CTNNA3: variants seen among roughly 807,000 people sequenced by gnomAD.
CTNNA3 encodes catenin alpha-3.
Under a neutral mutation model 95.7 loss-of-function variants are expected in CTNNA3, and 76 were observed. That is an observed-to-expected ratio of 0.79 (90% CI 0.66 to 0.96). The LOEUF is 0.96. Among genes scored for constraint, CTNNA3 ranks in the 40% least tolerant of loss-of-function variants. The pLI, the probability that CTNNA3 is intolerant of heterozygous loss-of-function variation, is 0.00. For synonymous variants in CTNNA3, 431 were observed against 374.4 expected, an observed-to-expected ratio of 1.15 and a Z score of -1.74; for missense variants, 1,191 against 1,089.8, an observed-to-expected ratio of 1.09 and a Z score of -1.31.
intron 15 of CTNNA3, among the ~76,000 whole-genome samples, chr10:66,011,761 C>T (rs2079009508): frequency 6.6e-6 from 1 of 152,130 alleles, no homozygotes; most frequent in African/African-American, 2.4e-5. Context: ...CGACACACAG[C>T]AACTCTCTTT....
At chr10:67,363,568 T>C (rs1843082797) in intron 5 of CTNNA3, among the ~76,000 whole-genome samples, 2 of 151,820 alleles carry the variant, frequency 1.3e-5, no homozygotes, top group South Asian at 4.1e-4. Flanking sequence ...GATAGACTGC[T>C]AGCAAGACTA....
chr10:66,578,805 G>C (rs1181849535), intron 10 of CTNNA3, among the ~76,000 whole-genome samples: 2 of 138,702 alleles, frequency 1.4e-5, no homozygotes, highest in Non-Finnish European at 3.1e-5. Flanking sequence ...TTTGTTTGTT[G>C]TTGTTGTTGT....
At chr10:66,171,443 G>C (rs563174880) in intron 13 of CTNNA3, among the ~76,000 whole-genome samples, 1 of 151,836 alleles carries the variant, frequency 6.6e-6, no homozygotes, top group East Asian at 2.0e-4. Context: ...CTACTTGGGA[G>C]GCTGAGGCAG....
intron 13 of CTNNA3, among the ~76,000 whole-genome samples, chr10:66,199,806 T>TATATATATATAA (rs1554887153): frequency 1.1e-4 from 1 of 9,038 alleles, no homozygotes; most frequent in African/African-American, 4.8e-4. Context: ...TATATATATA[T>TATATATATATAA]TTTTTTTTTT....
chr10:67,386,447 C>T (rs111359452), intron 5 of CTNNA3, among the ~76,000 whole-genome samples: 21 of 152,320 alleles, frequency 1.4e-4, no homozygotes, highest in African/African-American at 4.8e-4. Flanking sequence ...TACCACCCTT[C>T]TTACCCTCTC....
intron 7 of CTNNA3, among the ~76,000 whole-genome samples, chr10:66,829,647 C>T (rs1285262234): frequency 6.7e-6 from 1 of 149,512 alleles, no homozygotes; most frequent in African/African-American, 2.5e-5. Flanking sequence ...TACAGTGTTT[C>T]TCAAATATAT....
chr10:67,249,748 C>G (rs1866035155), intron 5 of CTNNA3, among the ~76,000 whole-genome samples: 1 of 152,180 alleles, frequency 6.6e-6, no homozygotes, highest in African/African-American at 2.4e-5. Context: ...CAGGAACCAA[C>G]CCTGGACAGG....
At chr10:67,617,402 G>C (rs1029264821) in intron 2 of CTNNA3, among the ~76,000 whole-genome samples, 4 of 151,546 alleles carry the variant, frequency 2.6e-5, no homozygotes, top group Admixed American at 2.0e-4. Flanking sequence ...ATGGCCTCCA[G>C]CTCCTTCCAT....
chr10:65,957,051 G>C (rs896610995), intron 17 of CTNNA3, among the ~76,000 whole-genome samples: 17 of 152,254 alleles, frequency 1.1e-4, no homozygotes, highest in African/African-American at 4.1e-4. Context: ...CTAAGGACTT[G>C]CTTTATGAGT....
intron 7 of CTNNA3, chr10:66,928,341 C>G: frequency 1.9e-6 from 3 of 1,614,152 alleles, no homozygotes; most frequent in Non-Finnish European, 2.5e-6. Context: ...TGACTCCCAG[C>G]ACCCAGGAAT....
intron 14 of CTNNA3, among the ~76,000 whole-genome samples, chr10:66,094,226 G>C (rs1404036275): frequency 6.6e-6 from 1 of 152,020 alleles, no homozygotes; most frequent in African/African-American, 2.4e-5. Flanking sequence ...GGGTGAGCCT[G>C]ATGGTTGTAA....
At chr10:67,090,514 A>C (rs1365648909) in intron 7 of CTNNA3, among the ~76,000 whole-genome samples, 3 of 152,116 alleles carry the variant, frequency 2.0e-5, no homozygotes, top group Non-Finnish European at 4.4e-5. Flanking sequence ...GATAAGCAAC[A>C]AAATGTAGTG....
At chr10:66,687,954 G>C (rs1455922099) in intron 9 of CTNNA3, among the ~76,000 whole-genome samples, 2 of 152,096 alleles carry the variant, frequency 1.3e-5, no homozygotes, top group Non-Finnish European at 2.9e-5. Context: ...GAAGATTTTA[G>C]ATTTGCTGAG....
intron 7 of CTNNA3, among the ~76,000 whole-genome samples, chr10:66,826,414 C>T (rs1432055924): frequency 6.6e-6 from 1 of 152,086 alleles, no homozygotes; most frequent in Admixed American, 6.6e-5. Context: ...GTAGCTGGGA[C>T]TACAGGCTCA....
At position 66,644,304 on chromosome 10, in the gene CTNNA3, C is replaced by CTA. The variant is rs1330352358; in HGVS notation, c.1282-22521_1282-22520insTA. Among the ~76,000 whole-genome samples the CTA allele has an allele frequency of 5.7e-5, 7 of 123,610 alleles. No homozygotes were observed. In the South Asian group the frequency reaches 1.1e-3, roughly 20 times the overall value. The allele number at this position is 123,610 out of a possible 152,430, so 81.1% of individuals were successfully genotyped here. A position where few individuals can be genotyped will look rare whatever the true frequency, so the allele number is the denominator to read the frequency against. On this transcript the variant is annotated intron_variant, in intron 9 of 17. Transcript: ENST00000433211. ...TGTCTGTCTGTCTGTCTCTCTCTCT[C>CTA]TCTATATATATATATATATAAAATA...
chr10:67,527,205 C>T (rs562257403), intron 4 of CTNNA3, among the ~76,000 whole-genome samples: 35 of 151,976 alleles, frequency 2.3e-4, no homozygotes, highest in Middle Eastern at 3.4e-3. Flanking sequence ...TGCAGTGAGC[C>T]GAGATCGCAC....
intron 12 of CTNNA3, among the ~76,000 whole-genome samples, chr10:66,354,185 G>A (rs10997074): frequency 0.53 from 79,780 of 151,718 alleles, 22,813 homozygotes; most frequent in Non-Finnish European, 0.64. Context: ...TTGGGAGGCT[G>A]AGGCAGGGAG....
At chr10:67,687,935 G>T (rs1840765341) in intron 1 of CTNNA3, among the ~76,000 whole-genome samples, 1 of 152,182 alleles carries the variant, frequency 6.6e-6, no homozygotes, top group Admixed American at 6.5e-5. Context: ...CCATACTGGG[G>T]ATGGCTTGCT....
chr10:67,584,323 T>G (rs940858706), intron 3 of CTNNA3, among the ~76,000 whole-genome samples: 3 of 152,246 alleles, frequency 2.0e-5, no homozygotes, highest in African/African-American at 7.2e-5. Flanking sequence ...TGGACTTTGC[T>G]GGAGGTCCAC....
Sources: gnomAD v4.1 joint callset for allele counts (sites outside exome capture counted in the v4.1 genomes callset) on GRCh38, gnomAD v4.1.1 for gene constraint, MANE v1.5 for transcripts, NCBI Gene and HGNC (gene_info 2026-07-23, HGNC 2026-07-21) for gene names.